WDR82: variants seen among roughly 807,000 people sequenced by gnomAD.
The protein encoded by WDR82 is WD repeat domain 82, also known as WD repeat-containing protein 82.
A neutral mutation model predicts 36.1 loss-of-function variants in WDR82; 8 were observed. The observed-to-expected ratio is 0.22, with a 90% CI of 0.13 to 0.40. WDR82 has a LOEUF of 0.40. Among genes scored for constraint, WDR82 ranks in the 10% least tolerant of loss-of-function variants. The pLI, the probability that WDR82 is intolerant of heterozygous loss-of-function variation, is 1.00. For synonymous variants in WDR82, 129 were observed against 137.8 expected (o/e 0.94, Z 0.45); for missense variants, 185 against 400.5 (o/e 0.46, Z 4.59).
At chr3:52,278,146 T>C in intron 1 of WDR82, 55 bp downstream of exon 1, 2 of 1,505,944 alleles carry the variant, frequency 1.3e-6, no homozygotes, top group South Asian at 1.2e-5. Flanking sequence ...GGACCTGTGC[T>C]GGGCCACCGG....
intron 1 of WDR82, 174 bp downstream of exon 1, chr3:52,278,024 TAAG>T (rs1372075235): frequency 4.2e-6 from 2 of 476,926 alleles, no homozygotes; most frequent in African/African-American, 2.0e-5. Flanking sequence ...CTTTTTTTTT[TAAG>T]AAGAAAAAAA....
chr3:52,271,225 C>T (rs1445976032), intron 1 of WDR82, among the ~76,000 whole-genome samples: 1 of 152,226 alleles, frequency 6.6e-6, no homozygotes, highest in Non-Finnish European at 1.5e-5. Flanking sequence ...ATCCCTTAAA[C>T]TGTTTTACGG....
At chr3:52,266,563 G>A (rs771490613) in intron 3 of WDR82, among the ~76,000 whole-genome samples, 5 of 152,072 alleles carry the variant, frequency 3.3e-5, no homozygotes, top group South Asian at 4.2e-4. Context: ...TCAGCCTCCC[G>A]AGTAGCTGGG....
chr3:52,257,711 T>C (rs552020696), intron 8 of WDR82, among the ~76,000 whole-genome samples, 192 bp from the exon 9 acceptor site: 7 of 152,260 alleles, frequency 4.6e-5, no homozygotes, highest in African/African-American at 1.7e-4. Flanking sequence ...AAAATGGTTC[T>C]GTTTTTCTCC....
intron 1 of WDR82, among the ~76,000 whole-genome samples, chr3:52,272,543 CAAA>C (rs538212712): frequency 1.0e-5 from 1 of 100,304 alleles, no homozygotes. Context: ...GACTCCATCT[CAAA>C]AAAAAAAAAA....
chr3:52,265,383 G>A (rs746981385), intron 3 of WDR82, among the ~76,000 whole-genome samples: 39 of 144,546 alleles, frequency 2.7e-4, no homozygotes, highest in Non-Finnish European at 3.6e-4. Context: ...TGGAAAGCAC[G>A]TCAAACAACT....
chr3:52,258,344 T>C (rs1000412275), intron 8 of WDR82, among the ~76,000 whole-genome samples, 192 bp downstream of exon 8: 2 of 152,090 alleles, frequency 1.3e-5, no homozygotes, highest in Non-Finnish European at 2.9e-5. Context: ...AGAATAAAAA[T>C]GAAAGGCAAG....
chr3:52,277,339 G>A (rs904053474), intron 1 of WDR82, among the ~76,000 whole-genome samples: 3 of 152,038 alleles, frequency 2.0e-5, no homozygotes, highest in Admixed American at 2.0e-4. Context: ...CAGGTATGGT[G>A]GGTCTCCAGA....
chr3:52,258,421 C>T (rs972566071), intron 8 of WDR82, 115 bp downstream of exon 8: 12 of 1,217,738 alleles, frequency 9.9e-6, no homozygotes, highest in Non-Finnish European at 1.4e-5. Flanking sequence ...GAAACATGTA[C>T]TTGGATGCTT....
rs186373708 is a variant in WDR82 at position 52,254,665 on chromosome 3, C to T, written c.*2825G>A. The T allele has an allele frequency of 2.4e-3, 362 of 152,630 alleles. 1 individual carries two copies. Among genetic ancestry groups the T allele is most frequent in the Non-Finnish European group, 3.6e-3 (246 of 68,032 alleles). The allele number at this position is 152,630 out of a possible 1,614,324, so 9.5% of individuals were successfully genotyped here. A position where few individuals can be genotyped will look rare whatever the true frequency, so the allele number is the denominator to read the frequency against. ...TAATAAGCAGTAATTATAATTACAA[C>T]GGGAAATAATTTCTTTAAGTACCCA... On this transcript the variant is annotated 3_prime_UTR_variant, in exon 9 of 9. Transcript: ENST00000296490.
intron 1 of WDR82, among the ~76,000 whole-genome samples, chr3:52,272,041 G>A (rs1034911828): frequency 2.0e-5 from 3 of 152,156 alleles, no homozygotes; most frequent in African/African-American, 7.2e-5. Flanking sequence ...AGTAAGCCAA[G>A]ATCGTGCCAC....
At position 52,260,440 on chromosome 3, in the gene WDR82, G is replaced by C. The variant is rs373670537; in HGVS notation, c.488C>G (p.Ala163Gly). The change falls in exon 5 of 9, where the codon GCT (alanine) becomes GGT (glycine). Residue 163 changes from alanine (A) to glycine (G), a missense_variant. Ala to Gly is a moderately conservative substitution (Grantham distance 60, BLOSUM62 0). This residue lies in a region of WDR82 where 110 missense variants were observed against 212.6 expected (regional missense o/e 0.52). Coordinates refer to ENST00000296490, the MANE Select transcript of WDR82 (RefSeq NM_025222.4). Reference sequence around the variant, plus strand: ...GACCATTTCAGAGTTGACACCTGCAGCGAAAATTAACCCTTCTGGATCAAA... The same window carrying C: ...GACCATTTCAGAGTTGACACCTGCACCGAAAATTAACCCTTCTGGATCAAA... ...CSFDPEGLIF[A>G]AGVNSEMVKL... The C allele has an allele frequency of 3.1e-6, 5 of 1,595,474 alleles. No homozygotes were observed. Among genetic ancestry groups the C allele is most frequent in the African/African-American group, 1.4e-5 (1 of 73,006 alleles).
chr3:52,259,270 A>G lies in WDR82; in HGVS notation c.700-4T>C. Reference sequence around the variant, plus strand: ...CAGCTTTGCTGTTGGCATAACCCTAAAACAAAACAGAGCAGTTCTTTTGTT... The same window carrying G: ...CAGCTTTGCTGTTGGCATAACCCTAGAACAAAACAGAGCAGTTCTTTTGTT... On this transcript the variant is annotated splice_region_variant and splice_polypyrimidine_tract_variant and intron_variant, in intron 6 of 8. Coordinates refer to ENST00000296490, the MANE Select transcript of WDR82 (RefSeq NM_025222.4). 1 of 1,614,040 alleles carries G rather than the reference A, an allele frequency of 6.2e-7. No individual in the cohort carries two copies. Among genetic ancestry groups the G allele is most frequent in the Non-Finnish European group, 8.5e-7 (1 of 1,179,968 alleles).
chr3:52,272,889 C>T (rs1559456263), intron 1 of WDR82, among the ~76,000 whole-genome samples: 1 of 152,234 alleles, frequency 6.6e-6, no homozygotes, highest in Non-Finnish European at 1.5e-5. Flanking sequence ...CCATTTCCAA[C>T]AGACTTCTCA....
chr3:52,266,494 G>A (rs1700108051), intron 3 of WDR82, among the ~76,000 whole-genome samples: 1 of 152,106 alleles, frequency 6.6e-6, no homozygotes, highest in Non-Finnish European at 1.5e-5. Flanking sequence ...CTGGAGTGCA[G>A]TGGCGCGATC....
Position 52,255,402 on chromosome 3 carries a change from C to T in WDR82, c.*2088G>A, listed in dbSNP as rs1699997510. The T allele has an allele frequency of 6.6e-6, 1 of 152,126 alleles. No individual in the cohort carries two copies. Among genetic ancestry groups the T allele is most frequent in the Admixed American group, 6.5e-5 (1 of 15,274 alleles). 9.4% of individuals were successfully genotyped at this position (152,126 alleles called of 1,614,324 possible). The stretch of plus-strand genomic sequence containing the variant: ...CTGTTAACCCATGGTTCCAAGCACT[C>T]TCTCTTAACAATCATTCCTACTGTG... On this transcript the variant is annotated 3_prime_UTR_variant, in exon 9 of 9. Transcript: ENST00000296490.
At position 52,266,999 on chromosome 3, in the gene WDR82, G is replaced by A. The variant is rs751621870; in HGVS notation, c.279C>T (p.Ser93=). 2 of 1,610,246 alleles carry A rather than the reference G, an allele frequency of 1.2e-6. No homozygotes were observed. Among genetic ancestry groups the A allele is most frequent in the African/African-American group, 1.3e-5 (1 of 74,816 alleles). ...NKIDDTIRYL[S]LHDNKYIRYF... is the part of the protein sequence containing the mutation. ...ATCTGATGTATTTGTTGTCATGCAA[G>A]GACAAGTAACGAATAGTATCTGTAA... The change falls in exon 3 of 9, where the codon TCC becomes TCT. Residue 93 remains serine, a synonymous_variant. Transcript: ENST00000296490.
Position 52,257,136 on chromosome 3 carries a change from G to A in WDR82, c.*354C>T, listed in dbSNP as rs1463676549. 2.1e-5 allele frequency: 6 copies of A among 291,534 alleles called. No homozygotes were observed. In the East Asian group the frequency reaches 2.4e-4, roughly 12 times the overall value. 18.1% of individuals were successfully genotyped at this position (291,534 alleles called of 1,614,324 possible). On this transcript the variant is annotated 3_prime_UTR_variant, in exon 9 of 9. Transcript: ENST00000296490. Reference sequence around the variant, plus strand: ...CAGTTGGAGGGTAGAAGGGATGTGCGGAACTGATGACTTCACCGGCTCCTC... The same window carrying A: ...CAGTTGGAGGGTAGAAGGGATGTGCAGAACTGATGACTTCACCGGCTCCTC...
intron 1 of WDR82, among the ~76,000 whole-genome samples, chr3:52,274,389 G>A (rs1700184125): frequency 6.6e-6 from 1 of 152,010 alleles, no homozygotes; most frequent in Non-Finnish European, 1.5e-5. Context: ...GCAACCTGGT[G>A]AGAACTTGTC....
Sources: gnomAD v4.1 joint callset for allele counts (sites outside exome capture counted in the v4.1 genomes callset) on GRCh38, gnomAD v4.1.1 for gene constraint, gnomAD v4.1.1 regional missense constraint, MANE v1.5 for transcripts, NCBI Gene and HGNC (gene_info 2026-07-23, HGNC 2026-07-21) for gene names.